Variants in EP300 observed in about 807,000 individuals in gnomAD.
EP300 encodes EP300 lysine acetyltransferase, also known as histone acetyltransferase p300.
A neutral mutation model predicts 264.0 loss-of-function variants in EP300; 31 were observed. The ratio of observed to expected loss-of-function variants is 0.12; its 90% confidence interval spans 0.09 to 0.16. The LOEUF is 0.16. Ranked by LOEUF, EP300 falls within the 10% of genes least tolerant of loss-of-function variation. The pLI is 1.00. For missense variants in EP300, 2,766 were observed against 3,052.9 expected (o/e 0.91, Z 2.21); for synonymous variants, 1,340 against 1,045.4 (o/e 1.28, Z -5.44).
chr22:41,180,039 CTTA>C lies in EP300; in HGVS notation c.*1087_*1089del. The stretch of plus-strand genomic sequence containing the variant: ...CTGTATAGACTGTTAAATTTGATTT[CTTA>C]TTACCTATTGTTAAATAAACTGTGT... On this transcript the variant is annotated 3_prime_UTR_variant, in exon 31 of 31. Coordinates refer to ENST00000263253, the MANE Select transcript of EP300 (RefSeq NM_001429.4). 1 of 230,526 alleles carries C rather than the reference CTTA, an allele frequency of 4.3e-6. No homozygotes were observed. Among genetic ancestry groups the C allele is most frequent in the Non-Finnish European group, 8.6e-6 (1 of 116,344 alleles). 14.3% of individuals were successfully genotyped at this position (230,526 alleles called of 1,614,324 possible). A position where few individuals can be genotyped will look rare whatever the true frequency, so the allele number is the denominator to read the frequency against.
chr22:41,160,448 ACAAAC>A, intron 19 of EP300, 189 bp from the exon 20 acceptor site: 3 of 550,278 alleles, frequency 5.5e-6, no homozygotes, highest in Non-Finnish European at 6.4e-6. Context: ...AAACAAAAAA[ACAAAC>A]AAAAAAACCA....
Position 41,178,829 on chromosome 22 carries a change from T to C in EP300, c.7118T>C (p.Leu2373Pro), listed in dbSNP as rs2059220751. ...HFASPDQNSM[L>P]SQLASNPGMA... ...GCCAGCCCGGACCAGAATTCAATGC[T>C]TTCTCAGCTTGCTAGCAATCCAGGC... Residue 2373 changes from leucine (L) to proline (P), a missense_variant, in exon 31 of 31, where the codon CTT becomes CCT. Leu to Pro is a moderately conservative substitution (Grantham distance 98). Transcript: ENST00000263253. The C allele has an allele frequency of 6.2e-7, 1 of 1,614,058 alleles. No homozygotes were observed. The highest frequency in any genetic ancestry group is 8.5e-7 in the Non-Finnish European group (1 of 1,180,060).
rs762616718 is a variant in EP300, at chr22:41,122,078, GTT to G, written c.730-3784_730-3783del. 2.0e-5 allele frequency among the ~76,000 whole-genome samples: 3 copies of G among 149,024 alleles called. No individual in the cohort carries two copies. In the East Asian group the frequency reaches 5.9e-4, roughly 29 times the overall value. On this transcript the variant is annotated intron_variant, in intron 2 of 30. Transcript: ENST00000263253. ...AGTAGCCTGGACTTGATTTAAACCTGTTTCTGCATTCTATTGCCCCTGCAATC... is the reference window on the plus strand; with the variant it reads ...AGTAGCCTGGACTTGATTTAAACCTGTCTGCATTCTATTGCCCCTGCAATC...
intron 14 of EP300, 129 bp from the exon 15 acceptor site, chr22:41,151,704 C>T: frequency 3.3e-6 from 3 of 916,510 alleles, no homozygotes; most frequent in East Asian, 2.4e-5. Context: ...CAAATGAAAG[C>T]ACCATGAATA....
At chr22:41,123,990 G>A (rs2058866755) in intron 2 of EP300, among the ~76,000 whole-genome samples, 1 of 152,238 alleles carries the variant, frequency 6.6e-6, no homozygotes, top group Admixed American at 6.5e-5. Context: ...GCTAACGCCT[G>A]TAATCCCAGC....
intron 4 of EP300, among the ~76,000 whole-genome samples, chr22:41,129,306 C>G (rs761065842): frequency 1.3e-5 from 2 of 152,148 alleles, no homozygotes; most frequent in East Asian, 3.9e-4. Context: ...CCACCGCGCC[C>G]GGCCAAAACA....
At chr22:41,096,645 G>GTTTACTTTT (rs2058704026) in intron 1 of EP300, among the ~76,000 whole-genome samples, 1 of 139,370 alleles carries the variant, frequency 7.2e-6, no homozygotes, top group Non-Finnish European at 1.5e-5. Context: ...TGAGACAGAG[G>GTTTACTTTT]TTTGCTCTCG....
chr22:41,155,792 T>G (rs1004517671), intron 17 of EP300, among the ~76,000 whole-genome samples: 19 of 152,250 alleles, frequency 1.2e-4, no homozygotes, highest in African/African-American at 4.6e-4. Context: ...TGTTGTAGCA[T>G]GAATCAGTAG....
chr22:41,100,868 G>C (rs535834697), intron 1 of EP300, among the ~76,000 whole-genome samples: 9 of 151,720 alleles, frequency 5.9e-5, no homozygotes, highest in Non-Finnish European at 1.2e-4. Flanking sequence ...ATGACATCTT[G>C]TATCATGTCA....
chr22:41,166,981 TCA>T (rs1301007244), intron 23 of EP300, among the ~76,000 whole-genome samples: 1 of 152,152 alleles, frequency 6.6e-6, no homozygotes, highest in African/African-American at 2.4e-5. Flanking sequence ...TTGCCATCTC[TCA>T]GTTTGTTTAT....
At position 41,172,821 on chromosome 22, in the gene EP300, G is replaced by A. The variant is rs1223310062; in HGVS notation, c.4617+158G>A. Among the ~76,000 whole-genome samples the A allele has an allele frequency of 2.0e-5, 3 of 152,276 alleles. No individual in the cohort carries two copies. The East Asian group carries it at 5.8e-4, about 29-fold the overall frequency. ...GGCTTAGAGAGGTTATTAGGGTTCT[G>A]TTTCAGTGGTATTAAACTTTTAAAG... On this transcript the variant is annotated intron_variant, in intron 28 of 30. Coordinates refer to ENST00000263253, the MANE Select transcript of EP300 (RefSeq NM_001429.4).
At chr22:41,148,783 A>ATG in intron 12 of EP300, 1 of 537,290 alleles carries the variant, frequency 1.9e-6, no homozygotes, top group Non-Finnish European at 3.3e-6. Flanking sequence ...TACCAAGAGA[A>ATG]TGTGTGTTCC....
rs767446971 is a variant in EP300, at chr22:41,137,675, A to G, written c.1645A>G (p.Ser549Gly). Reference protein sequence around the residue: ...SQNPMMSENASVPSLGPMPTA... With the variant: ...SQNPMMSENAGVPSLGPMPTA... ...AAGCCCAATGATGAGTGAAAATGCC[A>G]GTGTGCCCTCCCTGGGTCCTATGCC... The change falls in exon 8 of 31, where the codon AGT becomes GGT. Residue 549 changes from serine to glycine, a missense_variant. By Grantham distance (56) the Ser-to-Gly change is moderately conservative. Coordinates refer to ENST00000263253, the MANE Select transcript of EP300 (RefSeq NM_001429.4). The G allele has an allele frequency of 6.2e-7, 1 of 1,614,200 alleles. No individual in the cohort carries two copies. Among genetic ancestry groups the G allele is most frequent in the East Asian group, 2.2e-5 (1 of 44,886 alleles).
rs1258833321 is a variant in EP300, at chr22:41,178,531, C to A, written c.6820C>A (p.Gln2274Lys). 1.9e-6 allele frequency: 3 copies of A among 1,613,986 alleles called. No individual in the cohort carries two copies. Among genetic ancestry groups the A allele is most frequent in the African/African-American group, 2.7e-5 (2 of 74,884 alleles). ...LLQQQMGSPV[Q>K]PNPMSPQQHM... ...TCAGCAACAGATGGGGTCCCCTGTTCAGCCCAACCCCATGAGCCCCCAGCA... is the reference window on the plus strand; with the variant it reads ...TCAGCAACAGATGGGGTCCCCTGTTAAGCCCAACCCCATGAGCCCCCAGCA... The change falls in exon 31 of 31, where the codon CAG becomes AAG. Residue 2274 changes from glutamine to lysine, a missense_variant. Coordinates refer to ENST00000263253, the MANE Select transcript of EP300 (RefSeq NM_001429.4).
In EP300 at chr22:41,154,998, T is replaced by A. The variant is rs2145744520; in HGVS notation, c.3146T>A (p.Phe1049Tyr). The change falls in exon 17 of 31, where the codon TTC becomes TAC. Residue 1049 changes from phenylalanine (F) to tyrosine (Y), a missense_variant. Physicochemically the swap from Phe to Tyr is conservative, Grantham distance 22. Coordinates refer to ENST00000263253, the MANE Select transcript of EP300 (RefSeq NM_001429.4). ...AAATGCACTTTTTTTTTTTAAGTTT[T>A]CAAACCAGAAGAACTACGACAGGCA... ...PAPGQSKKKI[F>Y]KPEELRQALM... 1.9e-6 allele frequency: 3 copies of A among 1,610,008 alleles called. No homozygotes were observed. The East Asian group carries it at 6.7e-5, about 36-fold the overall frequency.
chr22:41,144,523 T>C (rs1302119496), intron 10 of EP300, among the ~76,000 whole-genome samples: 2 of 151,952 alleles, frequency 1.3e-5, no homozygotes, highest in Admixed American at 1.3e-4. Flanking sequence ...CTGGCTAATT[T>C]TTTTTTATTT....
rs561330295 is a variant in EP300, at chr22:41,169,340, G to A, written c.4173-163G>A. The A allele has an allele frequency of 1.1e-5, 7 of 639,460 alleles. No individual in the cohort carries two copies. The East Asian group carries it at 1.9e-4, about 17-fold the overall frequency. 39.6% of individuals were successfully genotyped at this position (639,460 alleles called of 1,614,324 possible). On this transcript the variant is annotated intron_variant, in intron 25 of 30. Coordinates refer to ENST00000263253, the MANE Select transcript of EP300 (RefSeq NM_001429.4). ...ACAGGCTCACTGAACTTCCCTGAAG[G>A]GTTCACGGCGGAGTCGCCTACCTGC... is the stretch of plus-strand genomic sequence containing the variant.
At chr22:41,117,054 C>G (rs1282182979) in intron 1 of EP300, 133 bp from the exon 2 acceptor site, 2 of 830,398 alleles carry the variant, frequency 2.4e-6, no homozygotes, top group Non-Finnish European at 3.9e-6. Flanking sequence ...GAGTAAGACC[C>G]TGTCTCAAAT....
chr22:41,167,825 T>TG (rs1569115931), intron 23 of EP300, among the ~76,000 whole-genome samples: 4 of 33,802 alleles, frequency 1.2e-4, no homozygotes, highest in Non-Finnish European at 1.7e-4. Context: ...TTTTTTTTTT[T>TG]GTTTTTTTTT....
Sources: gnomAD v4.1 joint callset for allele counts (sites outside exome capture counted in the v4.1 genomes callset) on GRCh38, gnomAD v4.1.1 for gene constraint, MANE v1.5 for transcripts, NCBI Gene and HGNC (gene_info 2026-07-23, HGNC 2026-07-21) for gene names.